NELL1: variants seen among roughly 807,000 people sequenced by gnomAD.
NELL1 encodes neural EGFL like 1, also known as protein kinase C-binding protein NELL1.
In NELL1, 76 loss-of-function variants were observed where a neutral mutation model predicts 107.4. The ratio of observed to expected loss-of-function variants is 0.71; its 90% CI spans 0.59 to 0.86. The LOEUF is 0.86. Ranked by LOEUF, NELL1 falls within the 40% of genes least tolerant of loss-of-function variation. The pLI is 0.00. For synonymous variants in NELL1, 353 were observed against 341.2 expected (o/e 1.03, Z -0.38); for missense variants, 1,024 against 1,005.5 (o/e 1.02, Z -0.25).
chr11:21,517,339 A>G (rs1040116467), intron 15 of NELL1, among the ~76,000 whole-genome samples: 8 of 152,128 alleles, frequency 5.3e-5, no homozygotes, highest in African/African-American at 1.9e-4. Flanking sequence ...AATAAAACCA[A>G]CCTTGTAACC....
chr11:20,820,613 A>G (rs1193544077), intron 3 of NELL1, among the ~76,000 whole-genome samples: 1 of 152,030 alleles, frequency 6.6e-6, no homozygotes, highest in African/African-American at 2.4e-5. Context: ...TCCTGCCCCT[A>G]CTACATTGTC....
chr11:21,246,370 C>G (rs940884827), intron 14 of NELL1, among the ~76,000 whole-genome samples: 5 of 146,044 alleles, frequency 3.4e-5, no homozygotes, highest in Non-Finnish European at 6.1e-5. Context: ...CATTAGCAAG[C>G]TTGGAGAATG....
At chr11:20,683,443 G>A (rs1854236497) in intron 2 of NELL1, among the ~76,000 whole-genome samples, 1 of 151,956 alleles carries the variant, frequency 6.6e-6, no homozygotes, top group African/African-American at 2.4e-5. Context: ...TATAGGTAGT[G>A]TTTCAGCCCA....
chr11:21,006,995 G>A (rs957014610), intron 12 of NELL1, among the ~76,000 whole-genome samples: 1 of 152,070 alleles, frequency 6.6e-6, no homozygotes, highest in Admixed American at 6.6e-5. Context: ...GGTAGCTGGT[G>A]ATATATTGAT....
intron 12 of NELL1, among the ~76,000 whole-genome samples, chr11:21,000,706 G>A (rs1461679217): frequency 2.6e-5 from 4 of 152,170 alleles, no homozygotes; most frequent in Admixed American, 2.6e-4. Context: ...CAGAAGATGA[G>A]GCTTTTGATA....
chr11:21,560,960 A>G (rs2134002032), intron 17 of NELL1, among the ~76,000 whole-genome samples: 1 of 152,196 alleles, frequency 6.6e-6, no homozygotes, highest in East Asian at 1.9e-4. Flanking sequence ...AGTGAGCTTA[A>G]TGCTTATGAA....
chr11:21,090,802 A>T (rs1414123788), intron 12 of NELL1, among the ~76,000 whole-genome samples: 2 of 152,200 alleles, frequency 1.3e-5, no homozygotes, highest in Admixed American at 6.5e-5. Context: ...CTTTACCCAG[A>T]TATAGGACAT....
At chr11:21,397,117 T>G (rs1222029284) in intron 15 of NELL1, among the ~76,000 whole-genome samples, 1 of 151,728 alleles carries the variant, frequency 6.6e-6, no homozygotes, top group Non-Finnish European at 1.5e-5. Context: ...TATCACTTTC[T>G]TTACAAAAAG....
At chr11:21,168,892 T>C (rs1203173301) in intron 13 of NELL1, among the ~76,000 whole-genome samples, 1 of 151,898 alleles carries the variant, frequency 6.6e-6, no homozygotes, top group Non-Finnish European at 1.5e-5. Context: ...GGTATTTGCA[T>C]TGGTTAAACT....
chr11:20,895,319 T>G (rs1248933034), intron 5 of NELL1, among the ~76,000 whole-genome samples: 5 of 65,420 alleles, frequency 7.6e-5, no homozygotes, highest in Non-Finnish European at 1.5e-4. Flanking sequence ...AAAAAAGAAA[T>G]TATTCCTTCT....
intron 14 of NELL1, among the ~76,000 whole-genome samples, chr11:21,261,996 T>C (rs1848543386): frequency 6.6e-6 from 1 of 151,902 alleles, no homozygotes; most frequent in South Asian, 2.1e-4. Flanking sequence ...GTTAGTATCG[T>C]TTATGTTATT....
intron 9 of NELL1, among the ~76,000 whole-genome samples, chr11:20,935,191 C>A (rs1273698283): frequency 1.3e-5 from 2 of 152,000 alleles, no homozygotes; most frequent in South Asian, 4.2e-4. Context: ...GTGGGGTGTA[C>A]AATTAAATGG....
intron 2 of NELL1, among the ~76,000 whole-genome samples, chr11:20,734,616 G>T (rs1037970025): frequency 6.6e-6 from 1 of 152,204 alleles, no homozygotes; most frequent in Non-Finnish European, 1.5e-5. Context: ...CCATTGGAAA[G>T]ACTAGGGGAG....
chr11:21,536,206 A>C (rs1289769409), intron 16 of NELL1, among the ~76,000 whole-genome samples: 1 of 152,130 alleles, frequency 6.6e-6, no homozygotes, highest in Non-Finnish European at 1.5e-5. Context: ...TCCTGTCACC[A>C]AGGTAGTGAG....
chr11:20,743,040 G>A (rs1295862682), intron 2 of NELL1, among the ~76,000 whole-genome samples: 1 of 152,044 alleles, frequency 6.6e-6, no homozygotes, highest in East Asian at 1.9e-4. Context: ...AGCTCAAAGG[G>A]CTTGTAGAAA....
intron 3 of NELL1, among the ~76,000 whole-genome samples, chr11:20,842,509 A>C (rs1270693781): frequency 3.3e-5 from 5 of 152,198 alleles, no homozygotes; most frequent in Non-Finnish European, 7.3e-5. Flanking sequence ...TGAGGGCATC[A>C]TGAGAACCAT....
chr11:21,131,924 T>C (rs1855627661), intron 13 of NELL1, among the ~76,000 whole-genome samples: 1 of 152,212 alleles, frequency 6.6e-6, no homozygotes, highest in Non-Finnish European at 1.5e-5. Flanking sequence ...CAAAGAACCT[T>C]CCTTTGCACA....
chr11:21,500,922 C>T (rs1564927328), intron 15 of NELL1, among the ~76,000 whole-genome samples: 1 of 152,044 alleles, frequency 6.6e-6, no homozygotes, highest in Non-Finnish European at 1.5e-5. Context: ...ACTTTTATTT[C>T]AGAATTGTTT....
chr11:21,572,818 C>A (rs1474341933), intron 18 of NELL1, among the ~76,000 whole-genome samples: 2 of 151,592 alleles, frequency 1.3e-5, no homozygotes, highest in Non-Finnish European at 2.9e-5. Context: ...CTTTATTGAC[C>A]AAAACTGTGC....
Sources: gnomAD v4.1 joint callset for allele counts (sites outside exome capture counted in the v4.1 genomes callset) on GRCh38, gnomAD v4.1.1 for gene constraint, MANE v1.5 for transcripts, NCBI Gene and HGNC (gene_info 2026-07-23, HGNC 2026-07-21) for gene names.